The following ARL15 variants were observed in gnomAD, a reference collection of about 807,000 sequenced individuals.
ARL15 encodes the protein ADP-ribosylation factor-like protein 15.
Under a neutral mutation model 25.2 loss-of-function variants are expected in ARL15, and 19 were observed. The observed-to-expected ratio is 0.75, with a 90% CI of 0.53 to 1.10. ARL15 has a LOEUF of 1.10. ARL15 is among the 50% of genes least tolerant of loss of function. The pLI is 0.00. For synonymous variants in ARL15, 94 were observed against 86.8 expected (o/e 1.08, Z -0.46); for missense variants, 220 against 246.0 (o/e 0.89, Z 0.71).
At chr5:54,286,006 G>C (rs1758170410) in intron 1 of ARL15, among the ~76,000 whole-genome samples, 1 of 152,132 alleles carries the variant, frequency 6.6e-6, no homozygotes, top group South Asian at 2.1e-4. Flanking sequence ...ACCTACTTCA[G>C]AACTGGCATC....
chr5:53,977,726 GTC>G (rs1747986523), intron 4 of ARL15, among the ~76,000 whole-genome samples: 1 of 152,116 alleles, frequency 6.6e-6, no homozygotes, highest in Non-Finnish European at 1.5e-5. Context: ...GAGCAGAAAA[GTC>G]TTATCAAGTC....
intron 1 of ARL15, among the ~76,000 whole-genome samples, chr5:54,197,827 G>C (rs918355857): frequency 1.3e-5 from 2 of 151,868 alleles, no homozygotes; most frequent in Non-Finnish European, 2.9e-5. Context: ...ACCAAAGCTG[G>C]GCAGAGACAC....
At chr5:53,918,560 A>T (rs181367769) in intron 4 of ARL15, among the ~76,000 whole-genome samples, 1 of 152,282 alleles carries the variant, frequency 6.6e-6, no homozygotes, top group African/African-American at 2.4e-5. Context: ...TAAATGTGAT[A>T]ATGAGAGATG....
chr5:54,019,906 T>C (rs1749541499), intron 4 of ARL15, among the ~76,000 whole-genome samples: 1 of 152,234 alleles, frequency 6.6e-6, no homozygotes, highest in Non-Finnish European at 1.5e-5. Flanking sequence ...AACTCTTTCA[T>C]CTACAGCACA....
At chr5:54,205,090 C>T (rs1251184690) in intron 1 of ARL15, among the ~76,000 whole-genome samples, 1 of 152,004 alleles carries the variant, frequency 6.6e-6, no homozygotes, top group Non-Finnish European at 1.5e-5. Context: ...TGTGAGCCAC[C>T]ACGCCTGGCC....
chr5:54,001,956 A>T (rs1561183900), intron 4 of ARL15, among the ~76,000 whole-genome samples: 1 of 152,196 alleles, frequency 6.6e-6, no homozygotes, highest in African/African-American at 2.4e-5. Context: ...TCATGACTCA[A>T]ATTCATTACA....
intron 4 of ARL15, among the ~76,000 whole-genome samples, chr5:54,034,049 G>A (rs867649966): frequency 6.6e-6 from 1 of 152,124 alleles, no homozygotes; most frequent in African/African-American, 2.4e-5. Flanking sequence ...TCCTGACTTC[G>A]TGATCCGCTT....
chr5:54,059,268 G>T (rs1350815401), intron 4 of ARL15, among the ~76,000 whole-genome samples: 3 of 152,158 alleles, frequency 2.0e-5, no homozygotes, highest in Admixed American at 6.5e-5. Context: ...GGCTTAAAAG[G>T]CTCATCAGTC....
chr5:54,258,745 A>G (rs1757428212), intron 1 of ARL15, among the ~76,000 whole-genome samples: 2 of 152,134 alleles, frequency 1.3e-5, no homozygotes, highest in Admixed American at 1.3e-4. Flanking sequence ...TGAAAAACAG[A>G]TTCTCCCTAA....
intron 2 of ARL15, among the ~76,000 whole-genome samples, chr5:54,158,079 T>C (rs1270006074): frequency 6.6e-6 from 1 of 152,068 alleles, no homozygotes; most frequent in African/African-American, 2.4e-5. Flanking sequence ...TCCCTTTACA[T>C]CAGGTTGGAT....
intron 1 of ARL15, among the ~76,000 whole-genome samples, chr5:54,283,901 G>C (rs1343402676): frequency 6.6e-6 from 1 of 151,918 alleles, no homozygotes; most frequent in Non-Finnish European, 1.5e-5. Context: ...GCCCTTTTTT[G>C]CTCTTCTGCC....
At chr5:54,287,985 A>AAAACTGAGGGTATG (rs1441011721) in intron 1 of ARL15, among the ~76,000 whole-genome samples, 2 of 152,360 alleles carry the variant, frequency 1.3e-5, no homozygotes, top group African/African-American at 4.8e-5. Context: ...CTGAGGGAAT[A>AAAACTGAGGGTATG]CAAAAAGCAA....
At chr5:53,912,001 C>A (rs1409158807) in intron 4 of ARL15, 1 of 151,510 alleles carries the variant, frequency 6.6e-6, no homozygotes, top group Admixed American at 6.6e-5. Flanking sequence ...ATATACCTTA[C>A]CATGTGTCAG....
chr5:53,986,175 T>C (rs867394063), intron 4 of ARL15, among the ~76,000 whole-genome samples: 1 of 152,160 alleles, frequency 6.6e-6, no homozygotes, highest in Admixed American at 6.5e-5. Flanking sequence ...CTCTCAAACA[T>C]ATAGTTTACC....
intron 3 of ARL15, among the ~76,000 whole-genome samples, chr5:54,117,549 A>C: frequency 6.6e-6 from 1 of 152,180 alleles, no homozygotes; most frequent in Admixed American, 6.5e-5. Flanking sequence ...CGGCAGTAAA[A>C]GTTATTATTT....
chr5:53,943,827 A>G lies in ARL15; in HGVS notation c.463-57114T>C, dbSNP rs535741070. 8.9e-4 allele frequency among the ~76,000 whole-genome samples: 135 copies of G among 152,338 alleles called. 2 individuals are homozygous for G. In the South Asian group the frequency reaches 0.027, roughly 30 times the overall value. Reference sequence around the variant, plus strand: ...CCATGGGAAGAAGAGGTGTCAAACCAGCGCTCAAAAGCTTCTATGAATGAT... The same window carrying G: ...CCATGGGAAGAAGAGGTGTCAAACCGGCGCTCAAAAGCTTCTATGAATGAT... On this transcript the variant is annotated intron_variant, in intron 4 of 4. Transcript: ENST00000504924.
At chr5:53,976,629 G>A (rs967495986) in intron 4 of ARL15, among the ~76,000 whole-genome samples, 1 of 152,202 alleles carries the variant, frequency 6.6e-6, no homozygotes, top group Non-Finnish European at 1.5e-5. Context: ...CTCGATGGAG[G>A]CATCATTCAC....
intron 4 of ARL15, among the ~76,000 whole-genome samples, chr5:54,095,792 G>A (rs1365411333): frequency 2.6e-5 from 4 of 151,512 alleles, no homozygotes; most frequent in African/African-American, 9.7e-5. Flanking sequence ...ATGGCAACTG[G>A]GGCCTGTCCA....
intron 4 of ARL15, among the ~76,000 whole-genome samples, chr5:53,929,444 A>T (rs998851810): frequency 1.3e-5 from 2 of 152,214 alleles, no homozygotes; most frequent in African/African-American, 4.8e-5. Context: ...TTATTTAAAG[A>T]TGAGCATAGT....
Sources: allele counts gnomAD v4.1 joint callset (sites outside exome capture counted in the v4.1 genomes callset), GRCh38; gene constraint gnomAD v4.1.1; transcripts MANE v1.5; gene names NCBI Gene and HGNC (gene_info 2026-07-23, HGNC 2026-07-21).